Variants in OSBPL9 observed in about 807,000 individuals in gnomAD.
OSBPL9 encodes oxysterol binding protein like 9.
OSBPL9 carries 40 observed loss-of-function variants against 106.6 expected under a neutral mutation model. The ratio of observed to expected loss-of-function variants is 0.38; its 90% CI spans 0.29 to 0.49. The LOEUF is 0.49. Ranked by LOEUF, OSBPL9 falls within the 20% of genes least tolerant of loss-of-function variation. The pLI is 0.97. For synonymous variants in OSBPL9, 269 were observed against 295.4 expected, an observed-to-expected ratio of 0.91 and a Z score of 0.92; for missense variants, 609 against 887.2, an observed-to-expected ratio of 0.69 and a Z score of 3.98.
In OSBPL9 at chr1:51,781,155, C is replaced by T; in HGVS notation, c.1257-9C>T. 1 of 1,613,328 alleles carries T rather than the reference C, an allele frequency of 6.2e-7. No homozygotes were observed. The highest frequency in any genetic ancestry group is 8.5e-7 in the Non-Finnish European group (1 of 1,179,436). ...GCAGGACATTAAATTTTGTCTTTCTCCCTTGCAGCATTAGTGACCAGAAGG... is the reference window on the plus strand; with the variant it reads ...GCAGGACATTAAATTTTGTCTTTCTTCCTTGCAGCATTAGTGACCAGAAGG... On this transcript the variant is annotated splice_polypyrimidine_tract_variant and intron_variant, in intron 15 of 23. Transcript: ENST00000428468.
chr1:51,637,988 C>T (rs1017210314), intron 1 of OSBPL9, among the ~76,000 whole-genome samples: 3 of 152,100 alleles, frequency 2.0e-5, no homozygotes, highest in African/African-American at 7.2e-5. Context: ...TTCTCTAGTT[C>T]TAAAATACTT....
At chr1:51,554,605 T>C in the OSBPL9 span, among the ~76,000 whole-genome samples, 1 of 152,204 alleles carries the variant, frequency 6.6e-6, no homozygotes, top group Non-Finnish European at 1.5e-5. Context: ...TACACAATTA[T>C]AGATGTCCAG....
intron 2 of OSBPL9, among the ~76,000 whole-genome samples, chr1:51,605,046 C>G (rs1437530951): frequency 6.6e-6 from 1 of 152,184 alleles, no homozygotes; most frequent in Non-Finnish European, 1.5e-5. Context: ...TTGGGTGTTT[C>G]TGATAAAGAA....
At chr1:51,702,993 A>G (rs1657639979) in intron 3 of OSBPL9, among the ~76,000 whole-genome samples, 1 of 152,032 alleles carries the variant, frequency 6.6e-6, no homozygotes, top group Non-Finnish European at 1.5e-5. Flanking sequence ...GTTCTGTTCC[A>G]TTGGTCTATC....
intron 13 of OSBPL9, 95 bp downstream of exon 13, chr1:51,772,277 C>T (rs920855742): frequency 1.5e-5 from 15 of 997,096 alleles, no homozygotes; most frequent in African/African-American, 3.3e-5. Flanking sequence ...TTTGGGAGAC[C>T]GAGGTGGGCA....
intron 1 of OSBPL9, among the ~76,000 whole-genome samples, chr1:51,635,587 A>T (rs1645381092): frequency 6.6e-6 from 1 of 152,162 alleles, no homozygotes; most frequent in South Asian, 2.1e-4. Flanking sequence ...CTAACATGCT[A>T]TCAGTAGTTT....
chr1:51,584,455 T>C (rs1457335462), intron 1 of OSBPL9, among the ~76,000 whole-genome samples: 1 of 146,230 alleles, frequency 6.8e-6, no homozygotes, highest in Non-Finnish European at 1.5e-5. Context: ...CATGCTGTAA[T>C]CCCAACACTT....
chr1:51,571,654 A>T, the OSBPL9 span, among the ~76,000 whole-genome samples: 1 of 152,114 alleles, frequency 6.6e-6, no homozygotes, highest in Non-Finnish European at 1.5e-5. Context: ...GTGACAGAGC[A>T]AGACCCTGTC....
intron 1 of OSBPL9, among the ~76,000 whole-genome samples, chr1:51,631,480 A>G (rs1404781350): frequency 6.6e-6 from 1 of 152,084 alleles, no homozygotes; most frequent in Non-Finnish European, 1.5e-5. Context: ...GGTCGAGGGT[A>G]CAGTGAGCTA....
At chr1:51,578,229 G>A (rs1334343503) in intron 1 of OSBPL9, among the ~76,000 whole-genome samples, 3 of 152,180 alleles carry the variant, frequency 2.0e-5, no homozygotes, top group Non-Finnish European at 4.4e-5. Context: ...TTTGACAAAT[G>A]TTAATTGATT....
chr1:51,585,697 A>C (rs1488509904), intron 1 of OSBPL9, among the ~76,000 whole-genome samples: 1 of 150,662 alleles, frequency 6.6e-6, no homozygotes, highest in Non-Finnish European at 1.5e-5. Flanking sequence ...AATTGCTTGA[A>C]CCCGGGAAGT....
intron 1 of OSBPL9, among the ~76,000 whole-genome samples, chr1:51,628,788 A>G (rs1644931724): frequency 1.3e-5 from 2 of 150,030 alleles, no homozygotes; most frequent in South Asian, 2.1e-4. Context: ...GGTTCCAGCA[A>G]TTCTCCTGCC....
chr1:51,669,719 T>A, intron 3 of OSBPL9: 1 of 665,198 alleles, frequency 1.5e-6, no homozygotes, highest in South Asian at 1.5e-5. Flanking sequence ...CGACTGTGGA[T>A]CTGGCTGCAG....
chr1:51,653,562 A>G (rs1646647105), intron 2 of OSBPL9, among the ~76,000 whole-genome samples: 1 of 152,270 alleles, frequency 6.6e-6, no homozygotes, highest in Admixed American at 6.5e-5. Flanking sequence ...AATTAAATAA[A>G]TTACATCCCT....
intron 1 of OSBPL9, chr1:51,594,886 G>A (rs775951996): frequency 6.6e-6 from 1 of 152,270 alleles, no homozygotes; most frequent in Non-Finnish European, 1.5e-5. Context: ...TGAACTCCTC[G>A]CGCAGGTAGA....
intron 3 of OSBPL9, among the ~76,000 whole-genome samples, chr1:51,676,378 C>G (rs1033525920): frequency 6.6e-6 from 1 of 151,246 alleles, no homozygotes; most frequent in African/African-American, 2.4e-5. Context: ...TGTAGTGAGC[C>G]GAGATCCCAC....
At chr1:51,787,288 A>G in intron 22 of OSBPL9, 65 bp from the exon 23 acceptor site, 1 of 1,492,486 alleles carries the variant, frequency 6.7e-7, no homozygotes, top group Non-Finnish European at 9.3e-7. Context: ...GTATTATACT[A>G]TATTCAGGAT....
chr1:51,716,448 TTAAA>T (rs1276986620), intron 4 of OSBPL9, among the ~76,000 whole-genome samples: 3 of 152,196 alleles, frequency 2.0e-5, no homozygotes, highest in African/African-American at 7.2e-5. Flanking sequence ...GTTTTAGTGG[TTAAA>T]TAAACTAACG....
chr1:51,771,613 T>A (rs975408213), intron 12 of OSBPL9, among the ~76,000 whole-genome samples: 40 of 152,334 alleles, frequency 2.6e-4, no homozygotes, highest in African/African-American at 7.7e-4. Flanking sequence ...TAGCATGAAT[T>A]TACTTGCATA....
Sources: allele counts gnomAD v4.1 joint callset (sites outside exome capture counted in the v4.1 genomes callset), GRCh38; gene constraint gnomAD v4.1.1; transcripts MANE v1.5; gene names NCBI Gene and HGNC (gene_info 2026-07-23, HGNC 2026-07-21).